The following SRBD1 variants were observed in gnomAD, a reference collection of about 807,000 sequenced individuals.
SRBD1 encodes S1 RNA-binding domain-containing protein 1.
SRBD1 carries 88 observed loss-of-function variants against 115.3 expected under a neutral mutation model. The observed-to-expected ratio is 0.76, with a 90% CI of 0.64 to 0.91. The LOEUF (loss-of-function observed/expected upper bound fraction) is 0.91. Among genes scored for constraint, SRBD1 ranks in the 40% least tolerant of loss-of-function variants. SRBD1 has a pLI of 0.00. For missense variants in SRBD1, 1,385 were observed against 1,177.4 expected (o/e 1.18, Z -2.58); for synonymous variants, 509 against 407.7 (o/e 1.25, Z -2.99).
At chr2:45,443,029 G>T (rs1325650730) in intron 16 of SRBD1, among the ~76,000 whole-genome samples, 1 of 152,184 alleles carries the variant, frequency 6.6e-6, no homozygotes, top group African/African-American at 2.4e-5. Flanking sequence ...AAAGGGGAAA[G>T]TACTAAGAAA....
intron 14 of SRBD1, among the ~76,000 whole-genome samples, chr2:45,503,972 A>G (rs892773978): frequency 6.6e-6 from 1 of 152,184 alleles, no homozygotes; most frequent in African/African-American, 2.4e-5. Context: ...ATATAACTCA[A>G]GTCAGTCTTG....
intron 19 of SRBD1, among the ~76,000 whole-genome samples, chr2:45,409,515 C>CAAAAAAAAAAAAAAAAAAAA (rs59849294): frequency 8.5e-6 from 1 of 117,920 alleles, no homozygotes. Flanking sequence ...TTGCAATAGG[C>CAAAAAAAAAAAAAAAAAAAA]AAAAAAAAAA....
chr2:45,451,320 C>T (rs147862145), intron 16 of SRBD1, among the ~76,000 whole-genome samples: 5 of 152,038 alleles, frequency 3.3e-5, no homozygotes, highest in South Asian at 4.2e-4. Context: ...CCTAACTTTA[C>T]GGGGGTGAAA....
In SRBD1 at chr2:45,540,322, C is replaced by CAG. The variant is rs556268426; in HGVS notation, c.1874+6408_1874+6409dup. Among the ~76,000 whole-genome samples the CAG allele has an allele frequency of 3.7e-3, 536 of 144,188 alleles. 9 individuals are homozygous for CAG. The highest frequency in any genetic ancestry group is 0.013 in the African/African-American group (509 of 38,876). 94.6% of individuals were successfully genotyped at this position (144,188 alleles called of 152,430 possible). On this transcript the variant is annotated intron_variant, in intron 14 of 20. Coordinates refer to ENST00000263736, the MANE Select transcript of SRBD1 (RefSeq NM_018079.5). ...TGCTGCTGCACTCCAGCCTGGGCGA[C>CAG]AGAGAGAGAGTCCATCTTAAAAAAA...
At chr2:45,485,481 A>G (rs1413692506) in intron 15 of SRBD1, among the ~76,000 whole-genome samples, 1 of 152,096 alleles carries the variant, frequency 6.6e-6, no homozygotes, top group East Asian at 1.9e-4. Context: ...AAGGAATAAA[A>G]CATACACTCA....
intron 16 of SRBD1, among the ~76,000 whole-genome samples, chr2:45,449,820 G>A (rs1341537339): frequency 1.3e-5 from 2 of 152,196 alleles, no homozygotes; most frequent in Non-Finnish European, 2.9e-5. Flanking sequence ...ACACGAACTA[G>A]AGTCATCTTG....
intron 19 of SRBD1, 52 bp downstream of exon 19, chr2:45,413,062 G>A: frequency 6.5e-7 from 1 of 1,549,990 alleles, no homozygotes; most frequent in Non-Finnish European, 8.7e-7. Context: ...GCCATTTGCT[G>A]TAAAGAACTC....
At chr2:45,487,672 T>C (rs917055035) in intron 15 of SRBD1, among the ~76,000 whole-genome samples, 4 of 152,122 alleles carry the variant, frequency 2.6e-5, no homozygotes, top group African/African-American at 4.8e-5. Flanking sequence ...AGTATTATTA[T>C]TTGAGAGAGT....
At chr2:45,556,413 T>G (rs1163942436) in intron 10 of SRBD1, among the ~76,000 whole-genome samples, 2 of 146,292 alleles carry the variant, frequency 1.4e-5, no homozygotes, top group Non-Finnish European at 3.0e-5. Flanking sequence ...ATATACTAGT[T>G]AAAAGTATGA....
chr2:45,579,447 A>C (rs932803751), intron 7 of SRBD1, among the ~76,000 whole-genome samples: 14 of 152,274 alleles, frequency 9.2e-5, no homozygotes, highest in African/African-American at 2.9e-4. Flanking sequence ...ATCTTTATAA[A>C]CTTGGGATAT....
intron 16 of SRBD1, among the ~76,000 whole-genome samples, chr2:45,444,956 A>T (rs775580640): frequency 6.6e-6 from 1 of 152,228 alleles, no homozygotes; most frequent in Non-Finnish European, 1.5e-5. Flanking sequence ...GATGATGAAC[A>T]TAAAAAGTAG....
chr2:45,425,952 GT>G (rs944498599), intron 16 of SRBD1, among the ~76,000 whole-genome samples: 12 of 150,254 alleles, frequency 8.0e-5, no homozygotes, highest in Middle Eastern at 3.4e-3. Context: ...AGCTGCAGGA[GT>G]TTTTTTTTTC....
chr2:45,570,540 T>C (rs1672973762), intron 9 of SRBD1, among the ~76,000 whole-genome samples: 1 of 152,178 alleles, frequency 6.6e-6, no homozygotes, highest in East Asian at 1.9e-4. Context: ...AACTCTAAAT[T>C]CCATCCCTCC....
intron 19 of SRBD1, among the ~76,000 whole-genome samples, chr2:45,402,221 T>C (rs1667310679): frequency 1.3e-5 from 2 of 152,182 alleles, no homozygotes; most frequent in African/African-American, 2.4e-5. Context: ...GTGTATCTGT[T>C]GGGTTAATCT....
At chr2:45,414,323 T>C (rs1380978975) in intron 18 of SRBD1, among the ~76,000 whole-genome samples, 2 of 152,078 alleles carry the variant, frequency 1.3e-5, no homozygotes, top group Admixed American at 6.5e-5. Flanking sequence ...AAAATGATGA[T>C]ATGAACTACA....
chr2:45,412,570 T>TA (rs1667635073), intron 19 of SRBD1, among the ~76,000 whole-genome samples: 1 of 152,152 alleles, frequency 6.6e-6, no homozygotes, highest in African/African-American at 2.4e-5. Context: ...TTGAACTAAT[T>TA]AAAAAAATTT....
chr2:45,535,876 T>C (rs935086756), intron 14 of SRBD1, among the ~76,000 whole-genome samples: 4 of 151,986 alleles, frequency 2.6e-5, no homozygotes, highest in Non-Finnish European at 5.9e-5. Flanking sequence ...TTTTATGCTA[T>C]ACATGGGGGG....
At chr2:45,545,311 A>AAAAAAAC (rs1558468100) in intron 14 of SRBD1, among the ~76,000 whole-genome samples, 8 of 143,628 alleles carry the variant, frequency 5.6e-5, no homozygotes, top group African/African-American at 2.1e-4. Flanking sequence ...AAAAAAAAAA[A>AAAAAAAC]AAAACAGATG....
At chr2:45,506,015 G>A (rs1283553093) in intron 14 of SRBD1, among the ~76,000 whole-genome samples, 1 of 152,164 alleles carries the variant, frequency 6.6e-6, no homozygotes, top group Non-Finnish European at 1.5e-5. Flanking sequence ...CAATTGGCAT[G>A]ATAGTATACT....
Sources: allele counts gnomAD v4.1 joint callset (sites outside exome capture counted in the v4.1 genomes callset), GRCh38; gene constraint gnomAD v4.1.1; transcripts MANE v1.5; gene names NCBI Gene and HGNC (gene_info 2026-07-23, HGNC 2026-07-21).